OSBPL10: variants seen among roughly 807,000 people sequenced by gnomAD.
The protein encoded by OSBPL10 is oxysterol binding protein like 10.
OSBPL10 carries 49 observed loss-of-function variants against 81.7 expected under a neutral mutation model. That is an observed-to-expected ratio of 0.60 (90% CI 0.48 to 0.76). The LOEUF (loss-of-function observed/expected upper bound fraction) is 0.76, where lower values mean the gene tolerates loss of function less well. Among genes scored for constraint, OSBPL10 ranks in the 30% least tolerant of loss-of-function variants. The pLI is 0.00. For missense variants in OSBPL10, 923 were observed against 987.8 expected, an observed-to-expected ratio of 0.93 and a Z score of 0.88; for synonymous variants, 419 against 383.6, an observed-to-expected ratio of 1.09 and a Z score of -1.08.
intron 1 of OSBPL10, among the ~76,000 whole-genome samples, chr3:32,073,284 C>T (rs1699845360): frequency 6.6e-6 from 1 of 152,160 alleles, no homozygotes; most frequent in Admixed American, 6.5e-5. Context: ...TCTTCTCTTG[C>T]CTACTCCAGA....
rs147307304 is a variant in OSBPL10, at chr3:32,004,406, G to A, written n.298+42085C>T. Among the ~76,000 whole-genome samples, 207 of 152,310 alleles carry A rather than the reference G, an allele frequency of 1.4e-3. 1 individual carries two copies. In the East Asian group the frequency reaches 0.023, roughly 17 times the overall value. The stretch of plus-strand genomic sequence containing the variant: ...CCAGGAAGGATTGCATATTAATTCT[G>A]TTGTCACCTGACTCCCTTGCCCAGA... On this transcript the variant is annotated intron_variant and non_coding_transcript_variant, in intron 2 of 3. Transcript: ENST00000479173.
chr3:31,729,993 G>C (rs752045256), intron 6 of OSBPL10, among the ~76,000 whole-genome samples: 6 of 152,232 alleles, frequency 3.9e-5, no homozygotes, highest in Non-Finnish European at 8.8e-5. Context: ...CCAACTGTAA[G>C]AAAGTCTGGG....
rs185608955 is a variant in OSBPL10 at position 31,979,186 on chromosome 3, G to A, written c.281+1713C>T. On this transcript the variant is annotated intron_variant, in intron 1 of 11. Transcript: ENST00000396556. ...TCATCTCATATCTCCCTCTACCTACGCATTCTACCTATTCTTTTTCAGCTT... is the reference window on the plus strand; with the variant it reads ...TCATCTCATATCTCCCTCTACCTACACATTCTACCTATTCTTTTTCAGCTT... 5.5e-3 allele frequency among the ~76,000 whole-genome samples: 834 copies of A among 152,194 alleles called. 7 individuals are homozygous for A. The highest frequency in any genetic ancestry group is 8.4e-3 in the Non-Finnish European group (568 of 68,004).
chr3:31,895,595 G>A (rs1247633464), intron 1 of OSBPL10, among the ~76,000 whole-genome samples: 1 of 152,114 alleles, frequency 6.6e-6, no homozygotes, highest in Admixed American at 6.5e-5. Flanking sequence ...CCAACTTTAT[G>A]TAACTCCATT....
chr3:32,025,782 C>T (rs1277566684), intron 2 of OSBPL10, among the ~76,000 whole-genome samples: 1 of 152,114 alleles, frequency 6.6e-6, no homozygotes, highest in African/African-American at 2.4e-5. Context: ...CCTTACAATT[C>T]ATTTTACTTC....
At chr3:31,713,588 G>A (rs1032080296) in intron 6 of OSBPL10, among the ~76,000 whole-genome samples, 3 of 151,908 alleles carry the variant, frequency 2.0e-5, no homozygotes, top group African/African-American at 7.3e-5. Context: ...GTAGAGATGG[G>A]GATTAGCCAT....
intron 1 of OSBPL10, among the ~76,000 whole-genome samples, chr3:31,941,411 C>T (rs1282090138): frequency 2.6e-5 from 4 of 152,194 alleles, no homozygotes; most frequent in Admixed American, 6.5e-5. Flanking sequence ...AAAGTGGTCA[C>T]TTTTTCAGTT....
At chr3:32,055,751 T>G (rs1434930865) in intron 1 of OSBPL10, among the ~76,000 whole-genome samples, 1 of 152,150 alleles carries the variant, frequency 6.6e-6, no homozygotes, top group Non-Finnish European at 1.5e-5. Context: ...AAAAGCCCTT[T>G]CGGAAAACTG....
chr3:31,959,439 T>C (rs1345397263), intron 1 of OSBPL10, among the ~76,000 whole-genome samples: 1 of 152,184 alleles, frequency 6.6e-6, no homozygotes, highest in Non-Finnish European at 1.5e-5. Context: ...AGCATGAGAC[T>C]CAGAGATAAG....
rs138848460 is a variant in OSBPL10, at chr3:31,899,889, G to T, written c.282-20059C>A. Reference sequence around the variant, plus strand: ...GTCCCAGCATAGAAAATATTCTACAGAAAATAACTACAATTAAAAGCACCT... The same window carrying T: ...GTCCCAGCATAGAAAATATTCTACATAAAATAACTACAATTAAAAGCACCT... On this transcript the variant is annotated intron_variant, in intron 1 of 11. Coordinates refer to ENST00000396556, the MANE Select transcript of OSBPL10 (RefSeq NM_017784.5). Among the ~76,000 whole-genome samples, 882 of 152,112 alleles carry T rather than the reference G, an allele frequency of 5.8e-3. 11 individuals are homozygous for T. Among genetic ancestry groups the T allele is most frequent in the African/African-American group, 0.02 (846 of 41,490 alleles).
chr3:32,010,348 AT>A (rs1699242142), intron 2 of OSBPL10, among the ~76,000 whole-genome samples: 1 of 152,070 alleles, frequency 6.6e-6, no homozygotes, highest in South Asian at 2.1e-4. Context: ...AGTCTACAGT[AT>A]TTTTTCATGG....
Position 32,001,602 on chromosome 3 carries a change from G to A in OSBPL10, n.298+44889C>T, listed in dbSNP as rs1024223328. Among the ~76,000 whole-genome samples, 5 of 152,298 alleles carry A rather than the reference G, an allele frequency of 3.3e-5. No homozygotes were observed. The South Asian group carries it at 6.2e-4, about 19-fold the overall frequency. ...TTTAAATTACAGAGATTTATATTCT[G>A]TACCAGAGAAAATTAATTGGCATTG... On this transcript the variant is annotated intron_variant and non_coding_transcript_variant, in intron 2 of 3. Coordinates refer to the OSBPL10 transcript ENST00000479173.
intron 1 of OSBPL10, among the ~76,000 whole-genome samples, chr3:31,934,544 T>G (rs1697334580): frequency 6.6e-6 from 1 of 151,896 alleles, no homozygotes; most frequent in African/African-American, 2.4e-5. Context: ...GAAGCTGGGA[T>G]TACAGGTGCC....
At chr3:31,771,898 T>A (rs1427771943) in intron 4 of OSBPL10, among the ~76,000 whole-genome samples, 1 of 152,236 alleles carries the variant, frequency 6.6e-6, no homozygotes, top group Admixed American at 6.5e-5. Context: ...GCCGCAAGAA[T>A]AAGCAGCCCA....
intron 1 of OSBPL10, among the ~76,000 whole-genome samples, chr3:31,939,843 C>A (rs2125736670): frequency 6.6e-6 from 1 of 152,262 alleles, no homozygotes; most frequent in South Asian, 2.1e-4. Flanking sequence ...TTAAGCGATC[C>A]TCCTGCCTCA....
intron 2 of OSBPL10, among the ~76,000 whole-genome samples, chr3:32,008,775 AAAG>A (rs1463263735): frequency 9.2e-5 from 14 of 152,016 alleles, no homozygotes; most frequent in Admixed American, 7.2e-4. Flanking sequence ...AAAAAAAAAA[AAAG>A]AAGAACAAAA....
chr3:31,810,543 C>A (rs918902251), intron 4 of OSBPL10, among the ~76,000 whole-genome samples: 2 of 151,820 alleles, frequency 1.3e-5, no homozygotes, highest in African/African-American at 4.8e-5. Context: ...AAACAACTGA[C>A]AAATTATGAA....
At chr3:31,722,790 G>A (rs117727012) in intron 6 of OSBPL10, among the ~76,000 whole-genome samples, 2,259 of 152,180 alleles carry the variant, frequency 0.015, 34 homozygotes, top group South Asian at 0.036. Flanking sequence ...GGTTTCCAGG[G>A]TAACCTACAA....
At chr3:31,705,900 T>C (rs1417000186) in intron 6 of OSBPL10, among the ~76,000 whole-genome samples, 2 of 152,132 alleles carry the variant, frequency 1.3e-5, no homozygotes, top group Non-Finnish European at 2.9e-5. Flanking sequence ...GCTGAGAGAA[T>C]TTATAAGACT....
Sources: gnomAD v4.1 joint callset for allele counts (sites outside exome capture counted in the v4.1 genomes callset) on GRCh38, gnomAD v4.1.1 for gene constraint, MANE v1.5 for transcripts, NCBI Gene and HGNC (gene_info 2026-07-23, HGNC 2026-07-21) for gene names.